Variants in ARHGAP5 observed in about 807,000 individuals in gnomAD.
ARHGAP5 encodes Rho GTPase activating protein 5.
ARHGAP5 carries 23 observed loss-of-function variants against 116.6 expected under a neutral mutation model. The ratio of observed to expected loss-of-function variants is 0.20; its 90% CI spans 0.14 to 0.28. ARHGAP5 has a LOEUF of 0.28. ARHGAP5 is among the 10% of genes least tolerant of loss of function. ARHGAP5 has a pLI of 1.00. For missense variants in ARHGAP5, 1,405 were observed against 1,774.8 expected, an observed-to-expected ratio of 0.79 and a Z score of 3.74; for synonymous variants, 574 against 602.0, an observed-to-expected ratio of 0.95 and a Z score of 0.68.
chr14:32,158,209 AAAAT>A lies in ARHGAP5; in HGVS notation c.*3265_*3268del, dbSNP rs1242981318. ...AGCTAATTTTTTTCAAGTGAAATGA[AAAAT>A]AAAAATATAAATTTATCAATATGAT... On this transcript the variant is annotated 3_prime_UTR_variant, in exon 7 of 7. Coordinates refer to ENST00000345122, the MANE Select transcript of ARHGAP5 (RefSeq NM_001030055.2). 1.4e-4 allele frequency: 22 copies of A among 151,956 alleles called. No homozygotes were observed. The highest frequency in any genetic ancestry group is 2.6e-4 in the African/African-American group (11 of 41,548). 9.4% of individuals were successfully genotyped at this position (151,956 alleles called of 1,614,324 possible).
At chr14:32,101,652 CA>C (rs779208798) in intron 2 of ARHGAP5, among the ~76,000 whole-genome samples, 1,275 of 97,578 alleles carry the variant, frequency 0.013, 9 homozygotes, top group Middle Eastern at 0.043. Context: ...TTGTGAAGGC[CA>C]AAAAAAAAAA....
At chr14:32,096,866 T>C in intron 2 of ARHGAP5, among the ~76,000 whole-genome samples, 1 of 152,236 alleles carries the variant, frequency 6.6e-6, no homozygotes, top group Non-Finnish European at 1.5e-5. Flanking sequence ...TATAGTTCCA[T>C]TTTACTTATG....
intron 1 of ARHGAP5, among the ~76,000 whole-genome samples, chr14:32,086,385 G>A (rs959520007): frequency 7.9e-5 from 12 of 152,162 alleles, no homozygotes; most frequent in African/African-American, 2.9e-4. Flanking sequence ...TTTAAAAGGA[G>A]CACTCTGGCT....
intron 2 of ARHGAP5, among the ~76,000 whole-genome samples, chr14:32,097,238 G>C (rs1878569773): frequency 6.6e-6 from 1 of 152,114 alleles, no homozygotes. Context: ...AGGGATTTTG[G>C]GGGATTTAAT....
At chr14:32,087,475 G>A (rs991760136) in intron 1 of ARHGAP5, among the ~76,000 whole-genome samples, 95 of 52,246 alleles carry the variant, frequency 1.8e-3, no homozygotes, top group Admixed American at 2.7e-3. Context: ...CTATTCCCCC[G>A]CCCGCCCTCC....
Position 32,157,530 on chromosome 14 carries a change from G to C in ARHGAP5, c.*2582G>C, listed in dbSNP as rs1303359057. On this transcript the variant is annotated 3_prime_UTR_variant, in exon 7 of 7. Transcript: ENST00000345122. ...TTAACTACAATATTGGACCTAACAG[G>C]ATCTAGATTAGCAATATAAAGAAGC... is the stretch of plus-strand genomic sequence containing the variant. The C allele has an allele frequency of 6.6e-6, 1 of 152,134 alleles. No individual in the cohort carries two copies. Among genetic ancestry groups the C allele is most frequent in the African/African-American group, 2.4e-5 (1 of 41,392 alleles). The allele number at this position is 152,134 out of a possible 1,614,324, so 9.4% of individuals were successfully genotyped here.
intron 3 of ARHGAP5, among the ~76,000 whole-genome samples, chr14:32,133,711 C>T (rs1880630993): frequency 6.6e-6 from 1 of 152,112 alleles, no homozygotes; most frequent in Admixed American, 6.5e-5. Flanking sequence ...ATGATATTGG[C>T]TGTGGGTTTG....
intron 3 of ARHGAP5, among the ~76,000 whole-genome samples, chr14:32,134,804 G>A (rs1880699801): frequency 6.6e-6 from 1 of 152,142 alleles, no homozygotes; most frequent in African/African-American, 2.4e-5. Flanking sequence ...AGTAGTTTGA[G>A]TAATTTATAG....
chr14:32,135,371 A>G (rs1435455291), intron 3 of ARHGAP5, among the ~76,000 whole-genome samples: 3 of 152,110 alleles, frequency 2.0e-5, no homozygotes, highest in Non-Finnish European at 2.9e-5. Context: ...CTTCTTTTTT[A>G]TGTCTAGACT....
At chr14:32,089,188 A>T (rs939526916) in intron 1 of ARHGAP5, among the ~76,000 whole-genome samples, 1 of 152,004 alleles carries the variant, frequency 6.6e-6, no homozygotes, top group Non-Finnish European at 1.5e-5. Flanking sequence ...TCAAGATTTT[A>T]AATTATGAGC....
chr14:32,117,263 T>C lies in ARHGAP5; in HGVS notation c.3841T>C (p.Cys1281Arg). 1 of 1,604,618 alleles carries C rather than the reference T, an allele frequency of 6.2e-7. No homozygotes were observed. Among genetic ancestry groups the C allele is most frequent in the Non-Finnish European group, 8.5e-7 (1 of 1,174,548 alleles). The change falls in exon 3 of 7, where the codon TGT (cysteine) becomes CGT (arginine). Residue 1281 changes from cysteine (C) to arginine (R), a missense_variant. Transcript: ENST00000345122. ...GCCCATACCACTATTTGTTGAGAAA[T>C]GTGTGGAATTTATTGAAGATACAGG... ...EKPIPLFVEK[C>R]VEFIEDTGLC...
At chr14:32,124,100 T>G (rs886217148) in intron 3 of ARHGAP5, among the ~76,000 whole-genome samples, 1 of 152,162 alleles carries the variant, frequency 6.6e-6, no homozygotes, top group Admixed American at 6.5e-5. Context: ...TGAACTCTCT[T>G]CTCTCTTCAG....
chr14:32,113,440 C>T (rs911969916), intron 2 of ARHGAP5, among the ~76,000 whole-genome samples: 15 of 152,046 alleles, frequency 9.9e-5, no homozygotes, highest in African/African-American at 3.6e-4. Flanking sequence ...TTCTTTATTT[C>T]TAAAGTATCC....
chr14:32,136,314 A>G (rs1415510144), intron 3 of ARHGAP5, among the ~76,000 whole-genome samples: 1 of 152,150 alleles, frequency 6.6e-6, no homozygotes. Flanking sequence ...CTTGCAACCA[A>G]TCTGCTTTCT....
rs78363642 is a variant in ARHGAP5, at chr14:32,094,395, A to G, written c.3717+9A>G. 3 of 1,546,282 alleles carry G rather than the reference A, an allele frequency of 1.9e-6. No homozygotes were observed. In the East Asian group the frequency reaches 6.7e-5, roughly 35 times the overall value. On this transcript the variant is annotated intron_variant, in intron 2 of 6. Transcript: ENST00000345122. Reference sequence around the variant, plus strand: ...TGAAAGAAGATAAAAAGGTAAGGTTAACTTAAGGTCAGTGATGTTTATAAA... The same window carrying G: ...TGAAAGAAGATAAAAAGGTAAGGTTGACTTAAGGTCAGTGATGTTTATAAA...
intron 3 of ARHGAP5, among the ~76,000 whole-genome samples, chr14:32,128,273 T>TG (rs1471222613): frequency 6.7e-6 from 1 of 149,958 alleles, no homozygotes; most frequent in African/African-American, 2.5e-5. Flanking sequence ...ACTTCCTAGA[T>TG]GGGGTGGCGG....
chr14:32,117,341 C>T, intron 3 of ARHGAP5, 54 bp downstream of exon 3: 3 of 1,443,942 alleles, frequency 2.1e-6, no homozygotes, highest in South Asian at 1.3e-5. Context: ...ACTTTTGATA[C>T]ACCAACAGTT....
intron 2 of ARHGAP5, among the ~76,000 whole-genome samples, chr14:32,113,130 C>G (rs1340942611): frequency 1.3e-5 from 2 of 152,158 alleles, no homozygotes; most frequent in African/African-American, 4.8e-5. Flanking sequence ...AGCTACACAT[C>G]AGGAACTCTC....
rs1881566568 is a variant in ARHGAP5, at chr14:32,149,974, C to G, written c.4016C>G (p.Ala1339Gly). The change falls in exon 5 of 7, where the codon GCA becomes GGA. Residue 1339 changes from alanine to glycine, a missense_variant. By Grantham distance (60) the Ala-to-Gly change is moderately conservative. Around this residue, in one of 6 missense-constraint regions of ARHGAP5, gnomAD observed 176 missense variants for 221.2 expected, o/e 0.80. Transcript: ENST00000345122. ...AVAGALKAFF[A>G]DLPDPLIPYS... ...GCTGGAGCCCTTAAAGCTTTCTTTG[C>G]AGATCTGCCAGATCCTTTAATTCCA... The G allele has an allele frequency of 5.0e-6, 8 of 1,608,158 alleles. No individual in the cohort carries two copies. Among genetic ancestry groups the G allele is most frequent in the East Asian group, 2.2e-5 (1 of 44,466 alleles).
Sources: gnomAD v4.1 joint callset for allele counts (sites outside exome capture counted in the v4.1 genomes callset) on GRCh38, gnomAD v4.1.1 for gene constraint, gnomAD v4.1.1 regional missense constraint, MANE v1.5 for transcripts, NCBI Gene and HGNC (gene_info 2026-07-23, HGNC 2026-07-21) for gene names.